IFT81: variants seen among roughly 807,000 people sequenced by gnomAD.
The protein encoded by IFT81 is intraflagellar transport protein 81 homolog.
In IFT81, 72 loss-of-function variants were observed where a neutral mutation model predicts 102.6. That is an observed-to-expected ratio of 0.70 (90% CI 0.58 to 0.85). The LOEUF is 0.85. IFT81 is among the 40% of genes least tolerant of loss of function. The probability of loss-of-function intolerance (pLI) is 0.00; values close to 1 mark genes in which losing one functional copy is unlikely to be tolerated. For synonymous variants in IFT81, 237 were observed against 242.7 expected (o/e 0.98, Z 0.22); for missense variants, 723 against 787.3 (o/e 0.92, Z 0.98).
chr12:110,199,205 C>A, intron 14 of IFT81, among the ~76,000 whole-genome samples: 1 of 152,122 alleles, frequency 6.6e-6, no homozygotes, highest in Middle Eastern at 3.4e-3. Context: ...ATCCAAAGTT[C>A]CTTTAGGTAT....
At chr12:110,165,468 C>T (rs1221839509) in intron 11 of IFT81, among the ~76,000 whole-genome samples, 1 of 152,090 alleles carries the variant, frequency 6.6e-6, no homozygotes, top group Non-Finnish European at 1.5e-5. Context: ...CTTTGCCCCC[C>T]ATCTGTTAAA....
intron 17 of IFT81, 61 bp from the exon 18 acceptor site, chr12:110,209,110 C>A: frequency 2.2e-6 from 2 of 892,798 alleles, no homozygotes; most frequent in South Asian, 1.6e-5. Context: ...ATTTATAATT[C>A]ACTTGTATGA....
At position 110,124,808 on chromosome 12, in the gene IFT81, G is replaced by A. The variant is rs1411334519; in HGVS notation, c.-75G>A. On this transcript the variant is annotated 5_prime_UTR_variant, in exon 1 of 19. Transcript: ENST00000242591. ...GGTTTCTCTCCCAAATTGTGCCAGA[G>A]AACACGCACGTCCTGGTTTTCATTG... The A allele has an allele frequency of 6.6e-6, 1 of 152,270 alleles. No homozygotes were observed. Among genetic ancestry groups the A allele is most frequent in the East Asian group, 1.9e-4 (1 of 5,200 alleles). The allele number at this position is 152,270 out of a possible 1,614,324, so 9.4% of individuals were successfully genotyped here. A position where few individuals can be genotyped will look rare whatever the true frequency, so the allele number is the denominator to read the frequency against.
intron 8 of IFT81, among the ~76,000 whole-genome samples, chr12:110,137,318 C>T (rs1004208765): frequency 9.9e-5 from 15 of 151,888 alleles, no homozygotes; most frequent in South Asian, 8.3e-4. Flanking sequence ...CCAGCCTGGG[C>T]GACAGAGCGA....
At chr12:110,170,539 A>G (rs1192129988) in intron 11 of IFT81, among the ~76,000 whole-genome samples, 1 of 152,190 alleles carries the variant, frequency 6.6e-6, no homozygotes, top group African/African-American at 2.4e-5. Flanking sequence ...CTCTGCTTTC[A>G]TAATTTGAAA....
chr12:110,190,852 T>G, intron 12 of IFT81, 68 bp from the exon 13 acceptor site: 1 of 1,394,296 alleles, frequency 7.2e-7, no homozygotes, highest in Non-Finnish European at 9.4e-7. Context: ...GTATGAAATT[T>G]GTACATTTCT....
chr12:110,198,990 G>A (rs1452526045), intron 14 of IFT81, among the ~76,000 whole-genome samples: 1 of 151,624 alleles, frequency 6.6e-6, no homozygotes, highest in East Asian at 1.9e-4. Flanking sequence ...TGTATTTTTT[G>A]TAGGGACAGG....
intron 8 of IFT81, among the ~76,000 whole-genome samples, chr12:110,138,944 A>G (rs563071514): frequency 8.7e-4 from 132 of 152,214 alleles, no homozygotes; most frequent in Non-Finnish European, 1.6e-3. Context: ...CTATTTTTCA[A>G]GGTCTAAGTT....
chr12:110,208,510 GA>G lies in IFT81; in HGVS notation c.1803-651del, dbSNP rs918187050. Among the ~76,000 whole-genome samples the G allele has an allele frequency of 3.8e-4, 56 of 146,362 alleles. 1 individual carries two copies. In the South Asian group the frequency reaches 9.4e-3, roughly 24 times the overall value. ...AACAGAGTGAGACCTTGTCTCAAAG[GA>G]AAAAAAAAAGATTAAACTACATATG... On this transcript the variant is annotated intron_variant, in intron 17 of 18. Coordinates refer to ENST00000242591, the MANE Select transcript of IFT81 (RefSeq NM_014055.4).
chr12:110,171,648 T>G (rs1896735383), intron 11 of IFT81, among the ~76,000 whole-genome samples: 2 of 152,252 alleles, frequency 1.3e-5, no homozygotes, highest in African/African-American at 4.8e-5. Flanking sequence ...CTAGTTATGA[T>G]GCGTGATTTT....
intron 14 of IFT81, among the ~76,000 whole-genome samples, chr12:110,201,741 C>A (rs1898288632): frequency 6.6e-6 from 1 of 152,096 alleles, no homozygotes; most frequent in Admixed American, 6.5e-5. Flanking sequence ...GCCACCACAC[C>A]CAGGCTTTTT....
intron 11 of IFT81, among the ~76,000 whole-genome samples, chr12:110,164,567 AT>A (rs1896331714): frequency 6.6e-6 from 1 of 152,132 alleles, no homozygotes; most frequent in Non-Finnish European, 1.5e-5. Flanking sequence ...ACTGTTACAA[AT>A]TGGCAGTGAA....
chr12:110,154,120 T>C (rs1895700662), intron 10 of IFT81, among the ~76,000 whole-genome samples: 1 of 151,884 alleles, frequency 6.6e-6, no homozygotes, highest in South Asian at 2.1e-4. Context: ...GTAGCTGAGA[T>C]TACAGGTGCC....
At position 110,190,934 on chromosome 12, in the gene IFT81, GA is replaced by G; in HGVS notation, c.1358del (p.Lys453ArgfsTer13). 6 of 1,561,616 alleles carry G rather than the reference GA, an allele frequency of 3.8e-6. No homozygotes were observed. The highest frequency in any genetic ancestry group is 4.0e-5 in the Admixed American group (2 of 50,468). Reference sequence around the variant, plus strand: ...TTTACTTATAGCAAACTATGGAGGAGAAAAAGGGTATATCTGGATATAGTTA... The same window carrying G: ...TTTACTTATAGCAAACTATGGAGGAGAAAAGGGTATATCTGGATATAGTTA... ...IQQQLQTMEE[K>X]KGISGYSYTQ... On this transcript the variant is annotated frameshift_variant, in exon 13 of 19. Coordinates refer to ENST00000242591, the MANE Select transcript of IFT81 (RefSeq NM_014055.4). LOFTEE classifies it high-confidence loss of function.
At chr12:110,215,417 CCTTT>C (rs1242558820) in intron 18 of IFT81, among the ~76,000 whole-genome samples, 4 of 142,224 alleles carry the variant, frequency 2.8e-5, no homozygotes, top group African/African-American at 1.1e-4. Context: ...TGAATGAATT[CCTTT>C]CTTTTCTTTT....
Position 110,128,989 on chromosome 12 carries a change from T to C in IFT81, c.288T>C (p.Pro96=). The C allele has an allele frequency of 6.2e-7, 1 of 1,613,568 alleles. No individual in the cohort carries two copies. The highest frequency in any genetic ancestry group is 1.1e-5 in the South Asian group (1 of 90,988). ...AGGGTTTGGTGATTGGAAGTAAACC[T>C]GTAATTTACCCAGTGCTCCACTGGC... ...FRQGLVIGSK[P]VIYPVLHWLL... is the part of the protein sequence containing the mutation. Residue 96 remains proline (P), a synonymous_variant, in exon 4 of 19, where the codon CCT becomes CCC. Transcript: ENST00000242591.
At chr12:110,173,132 C>T (rs1593333455) in intron 11 of IFT81, among the ~76,000 whole-genome samples, 2 of 145,072 alleles carry the variant, frequency 1.4e-5, no homozygotes, top group Admixed American at 6.8e-5. Flanking sequence ...GTCAGCCCCC[C>T]GCCCGGCCAG....
chr12:110,161,413 G>A (rs966156589), intron 10 of IFT81, among the ~76,000 whole-genome samples: 3 of 150,890 alleles, frequency 2.0e-5, no homozygotes, highest in African/African-American at 7.3e-5. Flanking sequence ...CTCCCAAAGT[G>A]CTGGTATTAC....
At chr12:110,138,510 G>A (rs1894649349) in intron 8 of IFT81, among the ~76,000 whole-genome samples, 1 of 150,426 alleles carries the variant, frequency 6.6e-6, no homozygotes, top group African/African-American at 2.5e-5. Context: ...TTAGCTCACC[G>A]CAGCCTCCGC....
Sources: gnomAD v4.1 joint callset for allele counts (sites outside exome capture counted in the v4.1 genomes callset) on GRCh38, gnomAD v4.1.1 for gene constraint, MANE v1.5 for transcripts, NCBI Gene and HGNC (gene_info 2026-07-23, HGNC 2026-07-21) for gene names.